The following SAE1 variants were observed in gnomAD, a reference collection of about 807,000 sequenced individuals.
SAE1 encodes SUMO1 activating enzyme subunit 1.
In SAE1, 11 loss-of-function variants were observed where a neutral mutation model predicts 40.6. The observed-to-expected ratio is 0.27, with a 90% CI of 0.17 to 0.45. SAE1 has a LOEUF of 0.45. Among genes scored for constraint, SAE1 ranks in the 20% least tolerant of loss-of-function variants. The pLI is 1.00. For missense variants in SAE1, 373 were observed against 427.3 expected (o/e 0.87, Z 1.12); for synonymous variants, 155 against 154.3 (o/e 1.00, Z -0.03).
intron 5 of SAE1, among the ~76,000 whole-genome samples, chr19:47,161,182 G>GTT (rs11456095): frequency 0.01 from 1,433 of 137,310 alleles, 34 homozygotes; most frequent in African/African-American, 0.029. Flanking sequence ...ATTTTTTCGG[G>GTT]TTTTTTTTTT....
chr19:47,199,390 C>CAAAA (rs35275499), intron 7 of SAE1, among the ~76,000 whole-genome samples: 46 of 56,300 alleles, frequency 8.2e-4, no homozygotes, highest in Non-Finnish European at 1.2e-3. Flanking sequence ...GACTCCTTCT[C>CAAAA]AAAAAAAAAA....
At position 47,166,061 on chromosome 19, in the gene SAE1, C is replaced by T. The variant is rs978580620; in HGVS notation, c.628-3757C>T. ...ACCACACTCTGGATACCTGGGACCC[C>T]TGAAATCTCCTGCCCAGACAACCCC... On this transcript the variant is annotated intron_variant, in intron 5 of 8. Transcript: ENST00000270225. Among the ~76,000 whole-genome samples, 3 of 152,340 alleles carry T rather than the reference C, an allele frequency of 2.0e-5. No homozygotes were observed. In the East Asian group the frequency reaches 5.8e-4, roughly 29 times the overall value.
At chr19:47,186,182 G>A (rs1324624566) in intron 6 of SAE1, among the ~76,000 whole-genome samples, 1 of 151,786 alleles carries the variant, frequency 6.6e-6, no homozygotes, top group Non-Finnish European at 1.5e-5. Context: ...ACAGCTTGCG[G>A]TGAGCCGAGA....
At chr19:47,162,130 T>C (rs181210089) in intron 5 of SAE1, among the ~76,000 whole-genome samples, 3 of 152,378 alleles carry the variant, frequency 2.0e-5, no homozygotes, top group African/African-American at 4.8e-5. Context: ...CTAGTTCTCT[T>C]GGACAGCCCT....
At position 47,194,437 on chromosome 19, in the gene SAE1, A is replaced by G. The variant is rs573327710; in HGVS notation, c.734-2796A>G. Among the ~76,000 whole-genome samples, 19 of 152,294 alleles carry G rather than the reference A, an allele frequency of 1.2e-4. No homozygotes were observed. In the South Asian group the frequency reaches 3.9e-3, roughly 32 times the overall value. ...TGGTAGAGAGTATAATTTGCTGAATAAGTCTACTTTTTCAATCAACATATA... is the reference window on the plus strand; with the variant it reads ...TGGTAGAGAGTATAATTTGCTGAATGAGTCTACTTTTTCAATCAACATATA... On this transcript the variant is annotated intron_variant, in intron 6 of 8. Transcript: ENST00000270225.
chr19:47,142,109 C>G (rs1038564609), intron 1 of SAE1, among the ~76,000 whole-genome samples: 1 of 152,110 alleles, frequency 6.6e-6, no homozygotes, highest in African/African-American at 2.4e-5. Flanking sequence ...CAAGGCTGGG[C>G]ACGGTGGCTC....
chr19:47,162,634 TG>T (rs2058365945), intron 5 of SAE1, among the ~76,000 whole-genome samples: 1 of 152,186 alleles, frequency 6.6e-6, no homozygotes, highest in African/African-American at 2.4e-5. Flanking sequence ...GGGTAGGACC[TG>T]GGGATTATAT....
Position 47,182,646 on chromosome 19 carries a change from T to C in SAE1, c.733+12723T>C, listed in dbSNP as rs867778277. Reference sequence around the variant, plus strand: ...GACCCACAAATGCGGCTCAGTGCCTTACAGCAGAGAGCTCATGAGAGAACA... The same window carrying C: ...GACCCACAAATGCGGCTCAGTGCCTCACAGCAGAGAGCTCATGAGAGAACA... On this transcript the variant is annotated intron_variant, in intron 6 of 8. Transcript: ENST00000270225. 3.3e-5 allele frequency among the ~76,000 whole-genome samples: 5 copies of C among 151,994 alleles called. 1 individual carries two copies. The South Asian group carries it at 8.3e-4, about 25-fold the overall frequency.
chr19:47,203,528 C>T (rs2058667147), intron 7 of SAE1, 143 bp from the exon 8 acceptor site: 2 of 650,218 alleles, frequency 3.1e-6, no homozygotes, highest in Non-Finnish European at 5.5e-6. Flanking sequence ...CGCCTAGATG[C>T]CAGCATTAAC....
At chr19:47,196,108 C>T (rs1178899294) in intron 6 of SAE1, among the ~76,000 whole-genome samples, 2 of 149,648 alleles carry the variant, frequency 1.3e-5, no homozygotes, top group African/African-American at 2.5e-5. Context: ...TGCAGTGGCA[C>T]GATCTTGGCT....
At position 47,203,752 on chromosome 19, in the gene SAE1, CTG is replaced by C; in HGVS notation, c.948+15_948+16del. 2 of 1,610,862 alleles carry C rather than the reference CTG, an allele frequency of 1.2e-6. No homozygotes were observed. Among genetic ancestry groups the C allele is most frequent in the East Asian group, 2.2e-5 (1 of 44,874 alleles). ...AGGAAATTGTGAAGGTAAAACATCA[CTG>C]TGGAGCAGAAAATTGTTAACCATGA... On this transcript the variant is annotated intron_variant, in intron 8 of 8. Transcript: ENST00000270225.
chr19:47,210,526 G>C lies in SAE1; in HGVS notation c.*1275G>C, dbSNP rs1183921551. 1.3e-5 allele frequency: 2 copies of C among 152,202 alleles called. No individual in the cohort carries two copies. Among genetic ancestry groups the C allele is most frequent in the Non-Finnish European group, 2.9e-5 (2 of 68,040 alleles). 9.4% of individuals were successfully genotyped at this position (152,202 alleles called of 1,614,324 possible). A position where few individuals can be genotyped will look rare whatever the true frequency, so the allele number is the denominator to read the frequency against. ...GTCAGAGCTTTTATTGGAAGACCAG[G>C]TTTGCCTTGATGCAGCCAAAGTGCG... On this transcript the variant is annotated 3_prime_UTR_variant, in exon 9 of 9. Transcript: ENST00000270225.
chr19:47,146,085 C>T (rs1320509797), intron 2 of SAE1, among the ~76,000 whole-genome samples: 2 of 151,934 alleles, frequency 1.3e-5, no homozygotes, highest in Non-Finnish European at 2.9e-5. Context: ...AGGCAGGGGA[C>T]ATAGCAGTGT....
chr19:47,208,889 C>G (rs537729069), intron 8 of SAE1, among the ~76,000 whole-genome samples: 124 of 152,290 alleles, frequency 8.1e-4, no homozygotes, highest in Non-Finnish European at 1.6e-3. Flanking sequence ...CATAGTTTAA[C>G]CCAGGCAAAT....
chr19:47,207,184 T>G (rs1200593966), intron 8 of SAE1, among the ~76,000 whole-genome samples: 1 of 152,170 alleles, frequency 6.6e-6, no homozygotes, highest in Non-Finnish European at 1.5e-5. Flanking sequence ...GAGGTTGCAG[T>G]AAGCCGAGAA....
intron 1 of SAE1, among the ~76,000 whole-genome samples, chr19:47,135,215 AC>A: frequency 6.6e-6 from 1 of 152,262 alleles, no homozygotes; most frequent in African/African-American, 2.4e-5. Context: ...GAAATGTACA[AC>A]AAATTATTGT....
intron 5 of SAE1, among the ~76,000 whole-genome samples, chr19:47,159,212 G>A (rs1457861505): frequency 1.3e-5 from 2 of 152,180 alleles, no homozygotes; most frequent in African/African-American, 4.8e-5. Flanking sequence ...TGAATTAGTT[G>A]AGAAATTCCA....
chr19:47,141,565 G>A (rs908410053), intron 1 of SAE1, among the ~76,000 whole-genome samples: 1 of 152,054 alleles, frequency 6.6e-6, no homozygotes, highest in Non-Finnish European at 1.5e-5. Context: ...GTTCGGGGAG[G>A]GGGAGTGCTT....
At chr19:47,197,195 A>T (rs377351793) in intron 6 of SAE1, 38 bp from the exon 7 acceptor site, 424 of 1,562,948 alleles carry the variant, frequency 2.7e-4, no homozygotes, top group Middle Eastern at 5.4e-4. Context: ...AAAAAAAAAA[A>T]GTGGCTTTAT....
Sources: allele counts gnomAD v4.1 joint callset (sites outside exome capture counted in the v4.1 genomes callset), GRCh38; gene constraint gnomAD v4.1.1; transcripts MANE v1.5; gene names NCBI Gene and HGNC (gene_info 2026-07-23, HGNC 2026-07-21).